The following MTO1 variants were observed in gnomAD, a reference collection of about 807,000 sequenced individuals.
MTO1 encodes the protein mitochondrial tRNA translation optimization 1, also known as 5-taurinomethyluridine-[tRNA] synthase subunit MTO1, mitochondrial.
Under a neutral mutation model 71.6 loss-of-function variants are expected in MTO1, and 46 were observed. The observed-to-expected ratio is 0.64, with a 90% CI of 0.51 to 0.82. The LOEUF is 0.82. MTO1 is among the 40% of genes least tolerant of loss of function. MTO1 has a pLI of 0.00. For synonymous variants in MTO1, 297 were observed against 312.1 expected (o/e 0.95, Z 0.51); for missense variants, 773 against 867.5 (o/e 0.89, Z 1.37).
chr6:73,482,049 G>A lies in MTO1; in HGVS notation c.1270G>A (p.Ala424Thr). The stretch of plus-strand genomic sequence containing the variant: ...TTCAGTGCTCTTGTAGGGTGTGATA[G>A]CCGGAATCAACGCCAGTCTTCGGGT... ...YEEAAAQGVI[A>T]GINASLRVSR... Residue 424 changes from alanine (A) to threonine (T), a missense_variant, in exon 8 of 12, where the codon GCC (alanine) becomes ACC (threonine). Physicochemically the swap from Ala to Thr is moderately conservative, Grantham distance 58. Transcript: ENST00000498286. 6.2e-7 allele frequency: 1 copy of A among 1,614,092 alleles called. No individual in the cohort carries two copies. Among genetic ancestry groups the A allele is most frequent in the Non-Finnish European group, 8.5e-7 (1 of 1,180,020 alleles).
rs181106848 is a variant in MTO1 at position 73,492,194 on chromosome 6, C to T, written c.1638-40C>T. ...CTTGTTCTTGATCTGCCTTATATGACATGGATCCTTATGTTAATGAAACTT... is the reference window on the plus strand; with the variant it reads ...CTTGTTCTTGATCTGCCTTATATGATATGGATCCTTATGTTAATGAAACTT... On this transcript the variant is annotated intron_variant, in intron 9 of 11. Transcript: ENST00000498286. The T allele has an allele frequency of 2.2e-4, 276 of 1,265,438 alleles. 2 individuals are homozygous for T. In the East Asian group the frequency reaches 6.3e-3, roughly 29 times the overall value. 78.4% of individuals were successfully genotyped at this position (1,265,438 alleles called of 1,614,324 possible).
At chr6:73,465,388 T>C (rs1441183606) in intron 1 of MTO1, among the ~76,000 whole-genome samples, 1 of 152,048 alleles carries the variant, frequency 6.6e-6, no homozygotes, top group South Asian at 2.1e-4. Flanking sequence ...GGTCTCAAAC[T>C]TCTGAGCTCC....
chr6:73,507,050 A>C lies in MTO1; in HGVS notation c.*6315A>C, dbSNP rs978691019. 4 of 151,228 alleles carry C rather than the reference A, an allele frequency of 2.6e-5. No individual in the cohort carries two copies. Among genetic ancestry groups the C allele is most frequent in the Non-Finnish European group, 5.9e-5 (4 of 67,902 alleles). 9.4% of individuals were successfully genotyped at this position (151,228 alleles called of 1,614,324 possible). ...CATCTTTCCATATTTTAGTATCTCT[A>C]AGTTGGAGTATGTCTTACAATTAAT... is the stretch of plus-strand genomic sequence containing the variant. On this transcript the variant is annotated 3_prime_UTR_variant, in exon 12 of 12. Coordinates refer to ENST00000498286, the MANE Select transcript of MTO1 (RefSeq NM_012123.4).
intron 7 of MTO1, 176 bp downstream of exon 7, chr6:73,480,981 T>TG: frequency 1.6e-6 from 1 of 639,560 alleles, no homozygotes; most frequent in African/African-American, 1.9e-5. Context: ...TTTTTTTTTT[T>TG]TTTTTTTTTT....
At chr6:73,482,731 G>A (rs1161113887) in intron 9 of MTO1, 111 bp downstream of exon 9, 4 of 765,676 alleles carry the variant, frequency 5.2e-6, no homozygotes, top group South Asian at 2.8e-5. Context: ...TCAAATGAAT[G>A]TAGCTTGTTT....
In MTO1 at chr6:73,473,438, T is replaced by G; in HGVS notation, c.609T>G (p.Ile203Met). Reference sequence around the variant, plus strand: ...CATTTCTGAGAGGCATGATTGTAATTGGATTGGAGACGCATCCAGCAGGAC... The same window carrying G: ...CATTTCTGAGAGGCATGATTGTAATGGGATTGGAGACGCATCCAGCAGGAC... ...TGTFLRGMIV[I>M]GLETHPAGRL... The change falls in exon 4 of 12, where the codon ATT (isoleucine) becomes ATG (methionine). Residue 203 changes from isoleucine to methionine, a missense_variant. Physicochemically the swap from Ile to Met is conservative, Grantham distance 10 (BLOSUM62 1). Transcript: ENST00000498286. 6.2e-7 allele frequency: 1 copy of G among 1,614,194 alleles called. No homozygotes were observed. Among genetic ancestry groups the G allele is most frequent in the Non-Finnish European group, 8.5e-7 (1 of 1,180,040 alleles).
chr6:73,465,218 C>T lies in MTO1; in HGVS notation c.218-991C>T, dbSNP rs192486531. Among the ~76,000 whole-genome samples the T allele has an allele frequency of 3.2e-4, 48 of 151,052 alleles. 1 individual carries two copies. The highest frequency in any genetic ancestry group is 5.5e-4 in the Non-Finnish European group (37 of 67,860). The stretch of plus-strand genomic sequence containing the variant: ...CACTGTTGTCACCCAGGGTGGAGTG[C>T]GATGGTGCCATCTCGGCTCACTGCA... On this transcript the variant is annotated intron_variant, in intron 1 of 11. Coordinates refer to ENST00000498286, the MANE Select transcript of MTO1 (RefSeq NM_012123.4).
At chr6:73,493,140 A>G (rs1771869443) in intron 10 of MTO1, among the ~76,000 whole-genome samples, 1 of 149,284 alleles carries the variant, frequency 6.7e-6, no homozygotes, top group Non-Finnish European at 1.5e-5. Flanking sequence ...GATTACAGGC[A>G]TGCACCACCA....
intron 7 of MTO1, among the ~76,000 whole-genome samples, chr6:73,481,590 A>C (rs1463489208): frequency 1.3e-5 from 2 of 151,730 alleles, no homozygotes; most frequent in Admixed American, 1.3e-4. Context: ...ATGTAGTGAG[A>C]CCCCCATCTC....
At chr6:73,477,858 C>G (rs1442245042) in intron 4 of MTO1, among the ~76,000 whole-genome samples, 1 of 152,018 alleles carries the variant, frequency 6.6e-6, no homozygotes, top group African/African-American at 2.4e-5. Flanking sequence ...GTTTAATTGT[C>G]ATTTCTCTTT....
chr6:73,482,884 C>T (rs1397691895), intron 9 of MTO1, among the ~76,000 whole-genome samples: 9 of 150,910 alleles, frequency 6.0e-5, no homozygotes, highest in East Asian at 5.9e-4. Context: ...CTCCGCCTCC[C>T]GGGTTCGCGC....
chr6:73,498,810 T>C (rs1270309937), intron 11 of MTO1, among the ~76,000 whole-genome samples: 2 of 151,972 alleles, frequency 1.3e-5, no homozygotes, highest in Non-Finnish European at 1.5e-5. Context: ...CTGCAACCTC[T>C]GCCTCCTGGG....
At chr6:73,486,938 C>G (rs997642785) in intron 9 of MTO1, among the ~76,000 whole-genome samples, 1 of 152,058 alleles carries the variant, frequency 6.6e-6, no homozygotes, top group African/African-American at 2.4e-5. Flanking sequence ...GCTGGGGTGA[C>G]AGAGCAAGAC....
chr6:73,494,436 A>T (rs570556711), intron 10 of MTO1, among the ~76,000 whole-genome samples: 1 of 151,598 alleles, frequency 6.6e-6, no homozygotes, highest in East Asian at 1.9e-4. Flanking sequence ...CAGAATGGTG[A>T]TCATGCTGCA....
chr6:73,479,351 C>A (rs888149614), intron 4 of MTO1, among the ~76,000 whole-genome samples: 2 of 151,904 alleles, frequency 1.3e-5, no homozygotes, highest in Non-Finnish European at 2.9e-5. Flanking sequence ...AAAAATTAGC[C>A]GAACGTAGTG....
intron 9 of MTO1, chr6:73,486,737 C>CA (rs764943204): frequency 9.2e-4 from 223 of 242,960 alleles, no homozygotes; most frequent in South Asian, 1.8e-3. Context: ...AGACTTCTCT[C>CA]AAAAAAAAAG....
chr6:73,485,803 A>T (rs1283897682), intron 9 of MTO1, among the ~76,000 whole-genome samples: 1 of 152,224 alleles, frequency 6.6e-6, no homozygotes, highest in Non-Finnish European at 1.5e-5. Flanking sequence ...AAAGATTTTA[A>T]AATCCGGTTA....
intron 4 of MTO1, among the ~76,000 whole-genome samples, chr6:73,474,736 G>C (rs1243141351): frequency 1.3e-5 from 2 of 151,540 alleles, no homozygotes; most frequent in African/African-American, 4.8e-5. Flanking sequence ...TTACAGATGT[G>C]AGCCACTGCA....
intron 4 of MTO1, among the ~76,000 whole-genome samples, chr6:73,474,057 A>G (rs867910161): frequency 6.7e-6 from 1 of 149,248 alleles, no homozygotes; most frequent in Non-Finnish European, 1.5e-5. Context: ...AAGTGCTGGG[A>G]TTGCAGGTGT....
Sources: allele counts gnomAD v4.1 joint callset (sites outside exome capture counted in the v4.1 genomes callset), GRCh38; gene constraint gnomAD v4.1.1; transcripts MANE v1.5; gene names NCBI Gene and HGNC (gene_info 2026-07-23, HGNC 2026-07-21).